The following LRP1B variants were observed in gnomAD, a reference collection of about 807,000 sequenced individuals.
The protein encoded by LRP1B is low-density lipoprotein receptor-related protein 1B.
Under a neutral mutation model 556.6 loss-of-function variants are expected in LRP1B, and 217 were observed. The ratio of observed to expected loss-of-function variants is 0.39; its 90% CI spans 0.35 to 0.44. LRP1B has a LOEUF of 0.44. Ranked by LOEUF, LRP1B falls within the 20% of genes least tolerant of loss-of-function variation. The probability of loss-of-function intolerance (pLI) is 1.00; values close to 1 mark genes in which losing one functional copy is unlikely to be tolerated. For missense variants in LRP1B, 5,053 were observed against 5,620.8 expected, an observed-to-expected ratio of 0.90 and a Z score of 3.23; for synonymous variants, 2,047 against 1,865.8, an observed-to-expected ratio of 1.10 and a Z score of -2.50.
At chr2:141,342,754 A>T (rs1222900416) in intron 3 of LRP1B, among the ~76,000 whole-genome samples, 1 of 152,178 alleles carries the variant, frequency 6.6e-6, no homozygotes, top group East Asian at 1.9e-4. Context: ...GGAATGGTGT[A>T]CCTGAAAGTG....
At chr2:140,839,941 T>C (rs1692046090) in intron 31 of LRP1B, 50 bp downstream of exon 31, 2 of 1,075,104 alleles carry the variant, frequency 1.9e-6, no homozygotes, top group South Asian at 1.3e-5. Context: ...ATTGTACAAG[T>C]ACAGGTTTGT....
chr2:141,732,154 G>A (rs181131722), intron 2 of LRP1B, among the ~76,000 whole-genome samples: 45 of 152,124 alleles, frequency 3.0e-4, no homozygotes, highest in Admixed American at 2.5e-3. Context: ...ACTAAGGAAC[G>A]TCTGAAATTT....
chr2:141,890,360 CATAT>C (rs144306760), intron 1 of LRP1B, among the ~76,000 whole-genome samples: 1 of 127,692 alleles, frequency 7.8e-6, no homozygotes, highest in African/African-American at 3.1e-5. Context: ...ATGTATTGTG[CATAT>C]ATATATATAG....
At chr2:140,383,379 C>T (rs894849939) in intron 67 of LRP1B, among the ~76,000 whole-genome samples, 1 of 151,474 alleles carries the variant, frequency 6.6e-6, no homozygotes, top group Non-Finnish European at 1.5e-5. Flanking sequence ...TTTAGTACAG[C>T]AATAGTATTT....
chr2:141,061,476 G>A (rs1699333761), intron 8 of LRP1B, among the ~76,000 whole-genome samples: 1 of 151,718 alleles, frequency 6.6e-6, no homozygotes, highest in African/African-American at 2.4e-5. Context: ...ACTGACTGTT[G>A]TTTGCAAAAC....
chr2:140,362,836 A>G (rs929463231), intron 72 of LRP1B, among the ~76,000 whole-genome samples: 1 of 151,686 alleles, frequency 6.6e-6, no homozygotes, highest in African/African-American at 2.4e-5. Flanking sequence ...TTGTAAGTAT[A>G]TATTTTTGTG....
chr2:140,507,804 T>C (rs984977155), intron 52 of LRP1B, among the ~76,000 whole-genome samples: 3 of 152,172 alleles, frequency 2.0e-5, no homozygotes, highest in Non-Finnish European at 2.9e-5. Flanking sequence ...TATTGTAGAA[T>C]GCTGGAAAGA....
At chr2:140,530,909 A>G (rs1366644903) in intron 47 of LRP1B, among the ~76,000 whole-genome samples, 1 of 152,178 alleles carries the variant, frequency 6.6e-6, no homozygotes, top group Non-Finnish European at 1.5e-5. Flanking sequence ...TCGACTAAAA[A>G]AGAGGAAATA....
At chr2:141,591,859 T>C (rs1362989971) in intron 2 of LRP1B, among the ~76,000 whole-genome samples, 1 of 152,164 alleles carries the variant, frequency 6.6e-6, no homozygotes, top group African/African-American at 2.4e-5. Flanking sequence ...TAGCCAGCTC[T>C]ACACCAGTTC....
At position 141,415,348 on chromosome 2, in the gene LRP1B, C is replaced by A. The variant is rs149089923; in HGVS notation, c.343+65048G>T. On this transcript the variant is annotated intron_variant, in intron 3 of 90. Coordinates refer to ENST00000389484, the MANE Select transcript of LRP1B (RefSeq NM_018557.3). ...TTTTTTTTCCATTTGACTTTTCTCA[C>A]ATGCCCCTTATTTTTCACCAAAAAT... Among the ~76,000 whole-genome samples the A allele has an allele frequency of 3.9e-4, 59 of 152,168 alleles. 1 individual carries two copies. In the East Asian group the frequency reaches 0.011, roughly 29 times the overall value.
intron 2 of LRP1B, among the ~76,000 whole-genome samples, chr2:141,547,085 T>C (rs1281290611): frequency 6.6e-6 from 1 of 152,168 alleles, no homozygotes; most frequent in African/African-American, 2.4e-5. Context: ...TAGGTAAACA[T>C]TCATGGTTGT....
intron 21 of LRP1B, among the ~76,000 whole-genome samples, chr2:140,916,500 G>GTGTGCCAGTCAGTTCTC (rs1229427393): frequency 3.3e-5 from 5 of 152,302 alleles, no homozygotes; most frequent in South Asian, 4.1e-4. Context: ...AAATCCACAT[G>GTGTGCCAGTCAGTTCTC]TGTGCCAGTC....
intron 1 of LRP1B, among the ~76,000 whole-genome samples, chr2:141,928,542 C>A (rs371880230): frequency 6.6e-5 from 10 of 152,062 alleles, no homozygotes; most frequent in African/African-American, 2.2e-4. Flanking sequence ...AATTTACAGA[C>A]CTACTGCTAT....
intron 41 of LRP1B, among the ~76,000 whole-genome samples, chr2:140,673,649 T>A (rs1685565228): frequency 6.6e-6 from 1 of 152,196 alleles, no homozygotes; most frequent in African/African-American, 2.4e-5. Context: ...TACAGATTTT[T>A]AGGTATCTGT....
At position 141,380,136 on chromosome 2, in the gene LRP1B, G is replaced by A. The variant is rs185422511; in HGVS notation, c.343+100260C>T. On this transcript the variant is annotated intron_variant, in intron 3 of 90. Coordinates refer to ENST00000389484, the MANE Select transcript of LRP1B (RefSeq NM_018557.3). ...AGCTGTTGAGATCCAGCACTCACTA[G>A]TCCCCCAGAGTCTACAGAGAACAAA... is the stretch of plus-strand genomic sequence containing the variant. Among the ~76,000 whole-genome samples, 13 of 151,742 alleles carry A rather than the reference G, an allele frequency of 8.6e-5. No individual in the cohort carries two copies. The East Asian group carries it at 2.5e-3, about 29-fold the overall frequency.
intron 43 of LRP1B, among the ~76,000 whole-genome samples, chr2:140,557,853 C>G (rs1364555199): frequency 6.6e-6 from 1 of 152,148 alleles, no homozygotes; most frequent in Non-Finnish European, 1.5e-5. Flanking sequence ...CCTTATTCAG[C>G]TCTCCTTTGT....
At chr2:140,979,585 G>A (rs1279790676) in intron 18 of LRP1B, among the ~76,000 whole-genome samples, 1 of 152,078 alleles carries the variant, frequency 6.6e-6, no homozygotes, top group East Asian at 1.9e-4. Flanking sequence ...AGTATTTACA[G>A]CACACAAATA....
chr2:140,813,734 T>C lies in LRP1B; in HGVS notation c.5282A>G (p.Asn1761Ser), dbSNP rs2105036523. ...SSGNGTINRC[N>S]LDGGNLEVIE... ...TACTTCTAAATTACCACCATCCAGG[T>C]TGCATCTATTTATGGTTCCATTCCC... Residue 1761 changes from asparagine to serine, a missense_variant, in exon 32 of 91, where the codon AAC becomes AGC. Physicochemically the swap from Asn to Ser is conservative, Grantham distance 46. Around this residue, in one of 5 missense-constraint regions of LRP1B, gnomAD observed 3,619 missense variants for 3,931.9 expected, o/e 0.92. Transcript: ENST00000389484. 3.1e-6 allele frequency: 5 copies of C among 1,610,484 alleles called. No individual in the cohort carries two copies. The highest frequency in any genetic ancestry group is 3.4e-6 in the Non-Finnish European group (4 of 1,176,772).
chr2:141,797,688 G>T (rs1392725291), intron 2 of LRP1B, among the ~76,000 whole-genome samples: 1 of 152,118 alleles, frequency 6.6e-6, no homozygotes, highest in Non-Finnish European at 1.5e-5. Flanking sequence ...TTACAGCTAT[G>T]CCTTATGTTC....
Sources: gnomAD v4.1 joint callset for allele counts (sites outside exome capture counted in the v4.1 genomes callset) on GRCh38, gnomAD v4.1.1 for gene constraint, gnomAD v4.1.1 regional missense constraint, MANE v1.5 for transcripts, NCBI Gene and HGNC (gene_info 2026-07-23, HGNC 2026-07-21) for gene names.